ATXN2L: variants seen among roughly 807,000 people sequenced by gnomAD.
ATXN2L encodes ataxin-2-like protein.
Under a neutral mutation model 120.7 loss-of-function variants are expected in ATXN2L, and 24 were observed. The observed-to-expected ratio is 0.20, with a 90% confidence interval of 0.14 to 0.28. ATXN2L has a LOEUF of 0.28. Among genes scored for constraint, ATXN2L ranks in the 10% least tolerant of loss-of-function variants. The pLI is 1.00. For synonymous variants in ATXN2L, 653 were observed against 568.1 expected, an observed-to-expected ratio of 1.15 and a Z score of -2.13; for missense variants, 1,312 against 1,432.3, an observed-to-expected ratio of 0.92 and a Z score of 1.36.
At position 28,835,499 on chromosome 16, in the gene ATXN2L, G is replaced by T. The variant is rs572045892; in HGVS notation, c.2686-50G>T. 2.2e-5 allele frequency: 35 copies of T among 1,610,480 alleles called. No individual in the cohort carries two copies. In the South Asian group the frequency reaches 3.0e-4, roughly 14 times the overall value. On this transcript the variant is annotated intron_variant, in intron 20 of 21. Transcript: ENST00000336783. ...CATTTCTGAGTGGCGAGGACTGGGG[G>T]CCAGCGAGTTGCTGGCCTGTGTGGC...
intron 1 of ATXN2L, chr16:28,824,369 GA>G: frequency 8.1e-7 from 1 of 1,235,236 alleles, no homozygotes; most frequent in Non-Finnish European, 1.0e-6. Context: ...TGGGGGTTCG[GA>G]AAGTCCCGTG....
Position 28,832,207 on chromosome 16 carries a change from G to A in ATXN2L, c.1324G>A (p.Gly442Ser), listed in dbSNP as rs1213748088. 1 of 1,614,026 alleles carries A rather than the reference G, an allele frequency of 6.2e-7. No individual in the cohort carries two copies. Reference sequence around the variant, plus strand: ...TACAGCTCCCCCTTTTCTTCCAGTGGGCCGGATGTATCCCCCGCGTTCTCC... The same window carrying A: ...TACAGCTCCCCCTTTTCTTCCAGTGAGCCGGATGTATCCCCCGCGTTCTCC... ...ETSVPPPPAV[G>S]RMYPPRSPKS... The change falls in exon 11 of 22, where the codon GGC (glycine) becomes AGC (serine). Residue 442 changes from glycine (G) to serine (S), a missense_variant and splice_region_variant. By Grantham distance (56) the Gly-to-Ser change is moderately conservative. Transcript: ENST00000336783.
chr16:28,833,458 T>C lies in ATXN2L; in HGVS notation c.1975T>C (p.Leu659=). Residue 659 remains leucine, a synonymous_variant, in exon 15 of 22, where the codon TTG becomes CTG. Coordinates refer to ENST00000336783, the MANE Select transcript of ATXN2L (RefSeq NM_007245.4). The part of the protein sequence containing the change: ...PVAEQVKKST[L]NPNAKEFNPT... ...TCACAGACAAGTAAAGAAATCAACG[T>C]TGAACCCTAATGCTAAGGAGTTCAA... 2 of 1,614,112 alleles carry C rather than the reference T, an allele frequency of 1.2e-6. No homozygotes were observed. The highest frequency in any genetic ancestry group is 1.7e-6 in the Non-Finnish European group (2 of 1,180,016).
At chr16:28,823,953 C>A in intron 1 of ATXN2L, 1 of 311,490 alleles carries the variant, frequency 3.2e-6, no homozygotes, top group Non-Finnish European at 4.8e-6. Context: ...GGGAAGGGGT[C>A]CCCGGCCGTA....
At chr16:28,824,316 A>T in intron 1 of ATXN2L, 4 of 1,200,082 alleles carry the variant, frequency 3.3e-6, no homozygotes, top group Non-Finnish European at 4.2e-6. Flanking sequence ...TGGAATTAAG[A>T]GTGGCAGCAC....
intron 1 of ATXN2L, 61 bp from the exon 2 acceptor site, chr16:28,825,305 A>G: frequency 6.7e-7 from 1 of 1,493,298 alleles, no homozygotes; most frequent in South Asian, 1.1e-5. Flanking sequence ...TTTAACATTA[A>G]TTTCATAGTG....
chr16:28,834,292 C>T, intron 16 of ATXN2L, 51 bp from the exon 17 acceptor site: 1 of 1,611,758 alleles, frequency 6.2e-7, no homozygotes, highest in Non-Finnish European at 8.5e-7. Context: ...TCAGGCCTGT[C>T]TGGGCATTCG....
rs371700809 is a variant in ATXN2L, at chr16:28,831,013, C to G, written c.1262C>G (p.Thr421Ser). Residue 421 changes from threonine to serine, a missense_variant, in exon 10 of 22, where the codon ACT becomes AGT. By Grantham distance (58) the Thr-to-Ser change is moderately conservative (BLOSUM62 1). Transcript: ENST00000336783. ...KAQRPLRGAK[T>S]LSSPSNRPSG... ...CAACGGCCTCTGAGAGGTGCCAAGA[C>G]TCTGTCTTCGCCCAGTAATAGGCCT... 6.2e-7 allele frequency: 1 copy of G among 1,610,966 alleles called. No homozygotes were observed. The highest frequency in any genetic ancestry group is 8.5e-7 in the Non-Finnish European group (1 of 1,179,498).
At chr16:28,835,526 C>T in intron 20 of ATXN2L, 23 bp from the exon 21 acceptor site, 4 of 1,612,478 alleles carry the variant, frequency 2.5e-6, no homozygotes, top group Non-Finnish European at 3.4e-6. Flanking sequence ...CTGTGTGGCA[C>T]TCAACCTTCC....
intron 9 of ATXN2L, 32 bp downstream of exon 9, chr16:28,830,822 C>T (rs779673328): frequency 1.8e-5 from 28 of 1,564,168 alleles, no homozygotes; most frequent in Non-Finnish European, 2.3e-5. Context: ...AGGAAGAGGG[C>T]AGGGAAGGGG....
chr16:28,834,801 G>A lies in ATXN2L; in HGVS notation c.2433+108G>A, dbSNP rs988841745. On this transcript the variant is annotated intron_variant, in intron 18 of 21. Coordinates refer to ENST00000336783, the MANE Select transcript of ATXN2L (RefSeq NM_007245.4). ...GGGGTGGCAGGCAGTGTTGTAGGTG[G>A]GATCGGCCCTCTGTGGTATTGGCGG... 9 of 1,345,818 alleles carry A rather than the reference G, an allele frequency of 6.7e-6. No individual in the cohort carries two copies. In the African/African-American group the frequency reaches 1.3e-4, roughly 20 times the overall value. 83.4% of individuals were successfully genotyped at this position (1,345,818 alleles called of 1,614,324 possible).
chr16:28,824,033 G>GC, intron 1 of ATXN2L: 1 of 921,114 alleles, frequency 1.1e-6, no homozygotes, highest in Non-Finnish European at 1.3e-6. Flanking sequence ...GCGGGTTGCT[G>GC]CCTCCCCCTT....
chr16:28,834,989 C>T (rs1959718594), intron 18 of ATXN2L, 69 bp from the exon 19 acceptor site: 1 of 1,565,288 alleles, frequency 6.4e-7, no homozygotes. Flanking sequence ...GCTGTGCACG[C>T]AGTGACTGGC....
Position 28,834,381 on chromosome 16 carries a change from G to A in ATXN2L, c.2211G>A (p.Val737=). 4 of 1,614,110 alleles carry A rather than the reference G, an allele frequency of 2.5e-6. No individual in the cohort carries two copies. The highest frequency in any genetic ancestry group is 3.4e-6 in the Non-Finnish European group (4 of 1,179,968). The change falls in exon 17 of 22, where the codon GTG becomes GTA. Residue 737 remains valine, a synonymous_variant. Coordinates refer to ENST00000336783, the MANE Select transcript of ATXN2L (RefSeq NM_007245.4). ...ATCCATATCCTGTATCCAATTCAGT[G>A]CCTGGGCAGCAGGGCAAGTACCGGG... ...QMYPYPVSNS[V]PGQQGKYRGA... is the part of the protein sequence containing the mutation.
intron 6 of ATXN2L, 71 bp from the exon 7 acceptor site, chr16:28,829,330 C>A: frequency 1.9e-6 from 2 of 1,072,168 alleles, no homozygotes; most frequent in Non-Finnish European, 2.9e-6. Context: ...GAGTTTTTAA[C>A]CTGATGGAAG....
At chr16:28,830,539 TAGA>T (rs1484996404) in intron 8 of ATXN2L, 73 bp from the exon 9 acceptor site, 3 of 1,409,936 alleles carry the variant, frequency 2.1e-6, no homozygotes, top group African/African-American at 1.4e-5. Context: ...GGGGAGACTT[TAGA>T]AGAAGAAATG....
At position 28,836,852 on chromosome 16, in the gene ATXN2L, C is replaced by T. The variant is rs1034031844; in HGVS notation, c.*587C>T. 12 of 1,537,726 alleles carry T rather than the reference C, an allele frequency of 7.8e-6. 1 individual carries two copies. In the South Asian group the frequency reaches 7.9e-5, roughly 10 times the overall value. ...ATCTATGTCTCTTCCCCCAGCAGCT[C>T]GGACCACTCCCAGCCCCCCATCCCC... is the stretch of plus-strand genomic sequence containing the variant. On this transcript the variant is annotated 3_prime_UTR_variant, in exon 22 of 22. Coordinates refer to ENST00000336783, the MANE Select transcript of ATXN2L (RefSeq NM_007245.4).
chr16:28,826,119 G>A (rs2051858932), intron 4 of ATXN2L, 121 bp from the exon 5 acceptor site: 1 of 1,205,184 alleles, frequency 8.3e-7, no homozygotes, highest in East Asian at 2.4e-5. Flanking sequence ...AGGATGTAGT[G>A]TTGTGAAAAG....
chr16:28,829,892 C>T lies in ATXN2L; in HGVS notation c.868C>T (p.Arg290Cys), dbSNP rs759450724. ...PLEKDNSEEF[R>C]QRELRAAQLA... ...AGAAAAGGACAACTCAGAAGAGTTT[C>T]GTCAGCGAGAGCTGCGTGCGGCCCA... is the stretch of plus-strand genomic sequence containing the variant. The change falls in exon 8 of 22, where the codon CGT becomes TGT. Residue 290 changes from arginine (R) to cysteine (C), a missense_variant. By Grantham distance (180) the Arg-to-Cys change is radical. Coordinates refer to ENST00000336783, the MANE Select transcript of ATXN2L (RefSeq NM_007245.4). 3.7e-6 allele frequency: 6 copies of T among 1,614,228 alleles called. No homozygotes were observed. Among genetic ancestry groups the T allele is most frequent in the Admixed American group, 1.7e-5 (1 of 60,024 alleles).
Sources: gnomAD v4.1 joint callset for allele counts on GRCh38, gnomAD v4.1.1 for gene constraint, MANE v1.5 for transcripts, NCBI Gene and HGNC (gene_info 2026-07-23, HGNC 2026-07-21) for gene names.